The following LRFN2 variants were observed in gnomAD, a reference collection of about 807,000 sequenced individuals.
The protein encoded by LRFN2 is leucine rich repeat and fibronectin type III domain containing 2.
In LRFN2, 18 loss-of-function variants were observed where a neutral mutation model predicts 37.3. The observed-to-expected ratio is 0.48, with a 90% CI of 0.33 to 0.72. LRFN2 has a LOEUF of 0.72. Among genes scored for constraint, LRFN2 ranks in the 30% least tolerant of loss-of-function variants. LRFN2 has a pLI of 0.02. For synonymous variants in LRFN2, 556 were observed against 466.6 expected (o/e 1.19, Z -2.47); for missense variants, 1,006 against 1,060.7 (o/e 0.95, Z 0.72).
intron 1 of LRFN2, among the ~76,000 whole-genome samples, chr6:40,547,843 G>T (rs964651835): frequency 2.0e-5 from 3 of 152,162 alleles, no homozygotes; most frequent in African/African-American, 7.2e-5. Flanking sequence ...AAGTTTAGGG[G>T]AGGTAACAGC....
chr6:40,411,611 G>A (rs138520973), intron 2 of LRFN2, among the ~76,000 whole-genome samples: 224 of 152,144 alleles, frequency 1.5e-3, no homozygotes, highest in African/African-American at 5.1e-3. Context: ...TGGCCTCTTC[G>A]TTGCTCCTCA....
At chr6:40,573,361 C>T (rs938156786) in intron 1 of LRFN2, among the ~76,000 whole-genome samples, 15 of 152,326 alleles carry the variant, frequency 9.8e-5, no homozygotes, top group African/African-American at 2.6e-4. Flanking sequence ...GGGTGCCAGT[C>T]GCAACCCGGC....
intron 1 of LRFN2, among the ~76,000 whole-genome samples, chr6:40,445,565 G>C (rs1763950060): frequency 6.6e-6 from 1 of 152,194 alleles, no homozygotes; most frequent in African/African-American, 2.4e-5. Flanking sequence ...GGACATTCTA[G>C]AAGGAAGAAC....
chr6:40,435,032 TATATATATATATATATATATAG>T (rs1242114633), intron 1 of LRFN2, among the ~76,000 whole-genome samples: 11 of 92,900 alleles, frequency 1.2e-4, no homozygotes, highest in African/African-American at 4.1e-4. Flanking sequence ...TATATATATA[TATATATATATATATATATATAG>T]AGAGAGAGAG....
chr6:40,534,075 T>C (rs576071313), intron 1 of LRFN2, among the ~76,000 whole-genome samples: 2 of 152,346 alleles, frequency 1.3e-5, no homozygotes, highest in East Asian at 3.9e-4. Context: ...CTAAGTAGCT[T>C]GCCCACAGGG....
chr6:40,451,011 T>C (rs1396333415), intron 1 of LRFN2, among the ~76,000 whole-genome samples: 9 of 152,192 alleles, frequency 5.9e-5, no homozygotes, highest in Non-Finnish European at 1.0e-4. Context: ...TAAATGCATC[T>C]CCATGGATAT....
chr6:40,539,155 G>T (rs205511), intron 1 of LRFN2, among the ~76,000 whole-genome samples: 96,678 of 151,816 alleles, frequency 0.64, 32,111 homozygotes, highest in African/African-American at 0.82. Context: ...CAACTACCTG[G>T]CCTCACCTCT....
intron 1 of LRFN2, among the ~76,000 whole-genome samples, chr6:40,529,063 T>C (rs781272398): frequency 3.3e-5 from 5 of 152,230 alleles, no homozygotes; most frequent in African/African-American, 4.8e-5. Flanking sequence ...TGCCCTTTTC[T>C]ATTTTCCAGG....
At chr6:40,533,776 T>C (rs1766397038) in intron 1 of LRFN2, among the ~76,000 whole-genome samples, 1 of 152,014 alleles carries the variant, frequency 6.6e-6, no homozygotes, top group Non-Finnish European at 1.5e-5. Context: ...AAAGGAGGGA[T>C]TAAAAGCTCA....
Position 40,432,369 on chromosome 6 carries a change from C to T in LRFN2, c.745G>A (p.Glu249Lys), listed in dbSNP as rs1763522888. 1.2e-6 allele frequency: 2 copies of T among 1,614,184 alleles called. No individual in the cohort carries two copies. Among genetic ancestry groups the T allele is most frequent in the East Asian group, 2.2e-5 (1 of 44,876 alleles). ...FGGNPLHCNC[E>K]LLWLRRLERD... The stretch of plus-strand genomic sequence containing the variant: ...TCGAGCCTCCGCAGCCAGAGAAGCT[C>T]ACAATTGCAGTGAAGTGGGTTACCC... Residue 249 changes from glutamate to lysine, a missense_variant, in exon 2 of 3, where the codon GAG (glutamate) becomes AAG (lysine). By Grantham distance (56) the Glu-to-Lys change is moderately conservative. Around this residue, in one of 4 missense-constraint regions of LRFN2, gnomAD observed 303 missense variants for 299.8 expected, o/e 1.01. Transcript: ENST00000338305.
chr6:40,414,275 A>G (rs1763045747), intron 2 of LRFN2, among the ~76,000 whole-genome samples: 1 of 152,136 alleles, frequency 6.6e-6, no homozygotes, highest in South Asian at 2.1e-4. Flanking sequence ...CTAGCTGAGC[A>G]CTATTGAGGC....
rs537068749 is a variant in LRFN2 at position 40,398,901 on chromosome 6, G to A, written c.1401-5989C>T. On this transcript the variant is annotated intron_variant, in intron 2 of 2. Coordinates refer to ENST00000338305, the MANE Select transcript of LRFN2 (RefSeq NM_020737.3). ...GATACTAGAGGTCTATGAAATCACA[G>A]GCACATACTGTTATTCTACTGTGGG... Among the ~76,000 whole-genome samples the A allele has an allele frequency of 1.4e-3, 209 of 151,948 alleles. 4 individuals are homozygous for A. The highest frequency in any genetic ancestry group is 4.7e-3 in the African/African-American group (195 of 41,516).
intron 1 of LRFN2, among the ~76,000 whole-genome samples, chr6:40,544,296 C>A (rs1766613999): frequency 6.6e-6 from 1 of 152,228 alleles, no homozygotes; most frequent in African/African-American, 2.4e-5. Flanking sequence ...AAAGTCCCAC[C>A]TGACGCTAAG....
chr6:40,394,543 A>G (rs1762575399), intron 2 of LRFN2, among the ~76,000 whole-genome samples: 1 of 152,150 alleles, frequency 6.6e-6, no homozygotes, highest in Non-Finnish European at 1.5e-5. Flanking sequence ...AGATATTGAC[A>G]TCCCGTCAGT....
chr6:40,496,575 G>A (rs888713044), intron 1 of LRFN2, among the ~76,000 whole-genome samples: 19 of 151,938 alleles, frequency 1.3e-4, no homozygotes, highest in African/African-American at 4.6e-4. Context: ...ACCCTGCCCT[G>A]GTCTTCACAT....
intron 1 of LRFN2, among the ~76,000 whole-genome samples, chr6:40,521,429 T>C (rs555422611): frequency 2.0e-5 from 3 of 152,354 alleles, no homozygotes; most frequent in African/African-American, 7.2e-5. Context: ...TGTGCAGAGC[T>C]TTCTAATACT....
At chr6:40,583,124 G>T (rs1286030963) in intron 1 of LRFN2, among the ~76,000 whole-genome samples, 1 of 151,768 alleles carries the variant, frequency 6.6e-6, no homozygotes, top group Non-Finnish European at 1.5e-5. Flanking sequence ...TGTGCTTGGT[G>T]GGGAGGCAAA....
At chr6:40,577,836 A>AAATT (rs377669863) in intron 1 of LRFN2, among the ~76,000 whole-genome samples, 1 of 42,076 alleles carries the variant, frequency 2.4e-5, no homozygotes, top group Non-Finnish European at 6.1e-5. Context: ...AAAATAAATA[A>AAATT]AAATAAAAGA....
intron 1 of LRFN2, among the ~76,000 whole-genome samples, chr6:40,573,612 A>C (rs1479230791): frequency 5.3e-5 from 8 of 152,200 alleles, no homozygotes; most frequent in Non-Finnish European, 1.2e-4. Context: ...TGGCTCATCC[A>C]TGCATTTGCT....
Sources: gnomAD v4.1 joint callset for allele counts (sites outside exome capture counted in the v4.1 genomes callset) on GRCh38, gnomAD v4.1.1 for gene constraint, gnomAD v4.1.1 regional missense constraint, MANE v1.5 for transcripts, NCBI Gene and HGNC (gene_info 2026-07-23, HGNC 2026-07-21) for gene names.